Variants in C16orf96 observed in about 807,000 individuals in gnomAD.
C16orf96 encodes the protein uncharacterized protein C16orf96.
A neutral mutation model predicts 103.6 loss-of-function variants in C16orf96; 108 were observed. The observed-to-expected ratio is 1.04, with a 90% CI of 0.89 to 1.22. C16orf96 has a LOEUF of 1.22. Among genes scored for constraint, C16orf96 ranks in the 50% most tolerant of loss-of-function variants. The pLI is 0.00. For missense variants in C16orf96, 1,586 were observed against 1,464.2 expected (o/e 1.08, Z -1.36); for synonymous variants, 566 against 593.5 (o/e 0.95, Z 0.67).
chr16:4,578,343 A>G (rs2059539131), intron 5 of C16orf96, among the ~76,000 whole-genome samples: 1 of 151,882 alleles, frequency 6.6e-6, no homozygotes, highest in South Asian at 2.1e-4. Flanking sequence ...GGGTTTTTCC[A>G]TTTTGGCCAG....
intron 9 of C16orf96, among the ~76,000 whole-genome samples, chr16:4,591,019 C>T (rs1443546874): frequency 1.4e-5 from 2 of 146,316 alleles, no homozygotes; most frequent in Middle Eastern, 3.4e-3. Flanking sequence ...GCAACAAGAG[C>T]GAAACTCCCT....
chr16:4,540,073 T>C, the C16orf96 span, among the ~76,000 whole-genome samples: 1 of 152,222 alleles, frequency 6.6e-6, no homozygotes, highest in Non-Finnish European at 1.5e-5. Context: ...TCTTTCTCTA[T>C]TGCAGTTCCC....
upstream of C16orf96, among the ~76,000 whole-genome samples, chr16:4,555,436 C>T (rs1352761207): frequency 9.9e-5 from 15 of 151,498 alleles, no homozygotes; most frequent in Admixed American, 9.9e-4. Flanking sequence ...TGCAGTGGCA[C>T]GATCTTGGCT....
chr16:4,579,205 G>C (rs980387266), intron 6 of C16orf96, among the ~76,000 whole-genome samples, 180 bp downstream of exon 6: 18 of 2,456 alleles, frequency 7.3e-3, no homozygotes, highest in Middle Eastern at 0.5. Flanking sequence ...CTGGTGCGGT[G>C]GGGGGGCCCA....
chr16:4,576,544 C>G lies in C16orf96; in HGVS notation c.2064C>G (p.Ser688Arg). 6.4e-7 allele frequency: 1 copy of G among 1,551,578 alleles called. No homozygotes were observed. The highest frequency in any genetic ancestry group is 1.2e-5 in the South Asian group (1 of 84,070). ...AGAGGGCTGTCAAGTATTCCATGAG[C>G]CACATAGCCCAGATACCTGTCAAAC... is the stretch of plus-strand genomic sequence containing the variant. ...DKKRAVKYSM[S>R]HIAQIPVKHD... is the part of the protein sequence containing the mutation. Residue 688 changes from serine to arginine, a missense_variant, in exon 5 of 16, where the codon AGC becomes AGG. Physicochemically the swap from Ser to Arg is moderately radical, Grantham distance 110. Coordinates refer to ENST00000444310, the MANE Select transcript of C16orf96 (RefSeq NM_001145011.2).
intron 1 of C16orf96, 60 bp from the exon 2 acceptor site, chr16:4,571,501 C>G: frequency 2.8e-6 from 4 of 1,433,562 alleles, no homozygotes; most frequent in Non-Finnish European, 3.8e-6. Context: ...AGCTTCTGCA[C>G]TTCACTTACC....
At chr16:4,566,641 G>T (rs2059388058) in intron 1 of C16orf96, among the ~76,000 whole-genome samples, 1 of 152,002 alleles carries the variant, frequency 6.6e-6, no homozygotes, top group Non-Finnish European at 1.5e-5. Flanking sequence ...TCATTTTCTT[G>T]CTGGTGTCTT....
the C16orf96 span, among the ~76,000 whole-genome samples, chr16:4,541,929 A>G: frequency 1.3e-5 from 2 of 152,356 alleles, no homozygotes; most frequent in East Asian, 3.9e-4. Context: ...TTCCCCCAGA[A>G]GCAGTGGTTC....
At chr16:4,597,011 T>C (rs147464547) in intron 14 of C16orf96, among the ~76,000 whole-genome samples, 151 of 152,290 alleles carry the variant, frequency 9.9e-4, no homozygotes, top group South Asian at 1.9e-3. Context: ...TCAAGATCCT[T>C]AAGCTAATTA....
chr16:4,580,038 G>A lies in C16orf96; in HGVS notation c.2265G>A (p.Trp755Ter). The A allele has an allele frequency of 6.4e-7, 1 of 1,551,190 alleles. No homozygotes were observed. The highest frequency in any genetic ancestry group is 8.7e-7 in the Non-Finnish European group (1 of 1,146,796). Residue 755 changes from tryptophan (W) to a stop codon, truncating the protein, a stop_gained, in exon 7 of 16, where the codon TGG becomes TGA. Transcript: ENST00000444310. LOFTEE classifies it high-confidence loss of function. ...AGGAGGAAGAACTTGAGAGAATTTG[G>A]GGCAACCAAATAGAGATGATGAAGG... ...RLKEEELERI[W>*]GNQIEMMKDR... is the part of the protein sequence containing the mutation.
At chr16:4,585,175 G>A (rs1896891841) in intron 7 of C16orf96, among the ~76,000 whole-genome samples, 1 of 151,542 alleles carries the variant, frequency 6.6e-6, no homozygotes, top group African/African-American at 2.4e-5. Flanking sequence ...GCATAAATAA[G>A]GCCAGGTTTG....
chr16:4,594,863 G>A, intron 14 of C16orf96, 60 bp downstream of exon 14: 2 of 1,501,644 alleles, frequency 1.3e-6, no homozygotes, highest in East Asian at 4.9e-5. Flanking sequence ...TGCTGGGCAG[G>A]GTGAGAGGGT....
At chr16:4,562,856 C>A (rs2059346575) in intron 1 of C16orf96, 1 of 1,376,572 alleles carries the variant, frequency 7.3e-7, no homozygotes, top group South Asian at 1.2e-5. Flanking sequence ...TCTGTTCTGT[C>A]AGCTGGCTCC....
intron 1 of C16orf96, among the ~76,000 whole-genome samples, chr16:4,565,297 G>A (rs1305854910): frequency 6.6e-6 from 1 of 152,140 alleles, no homozygotes; most frequent in African/African-American, 2.4e-5. Flanking sequence ...CCCTGAATGT[G>A]GCCCAGTCAC....
intron 5 of C16orf96, among the ~76,000 whole-genome samples, chr16:4,577,718 G>A (rs2059530086): frequency 6.6e-6 from 1 of 152,220 alleles, no homozygotes; most frequent in African/African-American, 2.4e-5. Context: ...TCCCTTGGGA[G>A]GATGAGGCAG....
rs1896943366 is a variant in C16orf96, at chr16:4,587,042, C to T, written c.2356C>T (p.Leu786Phe). Residue 786 changes from leucine to phenylalanine, a missense_variant, in exon 8 of 16, where the codon CTC becomes TTC. Physicochemically the swap from Leu to Phe is conservative, Grantham distance 22. Coordinates refer to ENST00000444310, the MANE Select transcript of C16orf96 (RefSeq NM_001145011.2). ...LQIRMDEFKTLQAQIKRLEMN... is the reference protein window; with the variant it reads ...LQIRMDEFKTFQAQIKRLEMN... ...ATGCCTGTGCTTCTGTTCTTAGACT[C>T]TCCAGGCTCAAATCAAAAGACTGGA... 2.6e-6 allele frequency: 4 copies of T among 1,551,352 alleles called. No homozygotes were observed. The Admixed American group carries it at 7.8e-5, about 30-fold the overall frequency.
upstream of C16orf96, among the ~76,000 whole-genome samples, chr16:4,556,051 C>T (rs575571203): frequency 3.3e-5 from 5 of 152,176 alleles, no homozygotes; most frequent in East Asian, 9.7e-4. Context: ...CTTCCTAACT[C>T]CAAGAAACCT....
At chr16:4,592,722 T>C (rs1272700066) in intron 11 of C16orf96, among the ~76,000 whole-genome samples, 1 of 152,200 alleles carries the variant, frequency 6.6e-6, no homozygotes, top group Admixed American at 6.5e-5. Context: ...TATGCGGCCT[T>C]GTATGATAGC....
At chr16:4,592,739 C>T (rs118131012) in intron 11 of C16orf96, among the ~76,000 whole-genome samples, 2,410 of 152,328 alleles carry the variant, frequency 0.016, 34 homozygotes, top group Non-Finnish European at 0.023. Context: ...TAGCGCCTGC[C>T]TATAGTCCCA....
Sources: allele counts gnomAD v4.1 joint callset (sites outside exome capture counted in the v4.1 genomes callset), GRCh38; gene constraint gnomAD v4.1.1; transcripts MANE v1.5; gene names NCBI Gene and HGNC (gene_info 2026-07-23, HGNC 2026-07-21).